NELL2: variants seen among roughly 807,000 people sequenced by gnomAD.
The protein encoded by NELL2 is neural EGFL like 2.
In NELL2, 41 loss-of-function variants were observed where a neutral mutation model predicts 109.6. The ratio of observed to expected loss-of-function variants is 0.37; its 90% CI spans 0.29 to 0.49. NELL2 has a LOEUF of 0.49. Ranked by LOEUF, NELL2 falls within the 20% of genes least tolerant of loss-of-function variation. NELL2 has a pLI of 0.98. For synonymous variants in NELL2, 355 were observed against 344.7 expected (o/e 1.03, Z -0.33); for missense variants, 900 against 1,008.3 (o/e 0.89, Z 1.45).
chr12:44,908,599 C>T (rs969535502), intron 1 of NELL2, among the ~76,000 whole-genome samples: 2 of 151,838 alleles, frequency 1.3e-5, no homozygotes, highest in African/African-American at 4.8e-5. Flanking sequence ...AGATCACCCA[C>T]ATGGACATTA....
chr12:44,579,096 C>T (rs935496220), intron 15 of NELL2, among the ~76,000 whole-genome samples: 2 of 152,104 alleles, frequency 1.3e-5, no homozygotes, highest in African/African-American at 4.8e-5. Context: ...TTTTAAGCCA[C>T]CTTTTGATAG....
intron 13 of NELL2, among the ~76,000 whole-genome samples, chr12:44,619,644 G>A (rs945770198): frequency 6.6e-6 from 1 of 152,050 alleles, no homozygotes; most frequent in African/African-American, 2.4e-5. Context: ...GGAAGAGGAG[G>A]AGAAGGAGGA....
rs1333622262 is a variant in NELL2 at position 44,824,714 on chromosome 12, T to C, written c.185-8578A>G. Among the ~76,000 whole-genome samples, 666 of 133,348 alleles carry C rather than the reference T, an allele frequency of 5.0e-3. 5 individuals carry two copies. Among genetic ancestry groups the C allele is most frequent in the African/African-American group, 0.018 (626 of 34,662 alleles). The allele number at this position is 133,348 out of a possible 152,430, so 87.5% of individuals were successfully genotyped here. ...ATTTATTTATTTTTATTTTATTTACTTTTTTTTTTTTTTTGAGACAGAGTC... is the reference window on the plus strand; with the variant it reads ...ATTTATTTATTTTTATTTTATTTACCTTTTTTTTTTTTTTGAGACAGAGTC... On this transcript the variant is annotated intron_variant, in intron 2 of 19. Coordinates refer to ENST00000429094, the MANE Select transcript of NELL2 (RefSeq NM_001145108.2).
rs140308092 is a variant in NELL2 at position 44,782,792 on chromosome 12, T to C, written c.336-2770A>G. Among the ~76,000 whole-genome samples the C allele has an allele frequency of 1.3e-3, 203 of 152,080 alleles. 1 individual carries two copies. Among genetic ancestry groups the C allele is most frequent in the African/African-American group, 4.5e-3 (186 of 41,522 alleles). On this transcript the variant is annotated intron_variant, in intron 3 of 19. Transcript: ENST00000429094. ...AAAGAATACATGGTAAAATCCACAA[T>C]TACAGTTGCAGACGTCAACACCCCT...
chr12:44,732,335 C>T (rs1939413510), intron 9 of NELL2, among the ~76,000 whole-genome samples: 1 of 151,922 alleles, frequency 6.6e-6, no homozygotes, highest in South Asian at 2.1e-4. Flanking sequence ...AGCTACAGTA[C>T]ATAAAACCGT....
At chr12:44,512,260 G>C (rs1043556803) in intron 19 of NELL2, among the ~76,000 whole-genome samples, 1 of 151,996 alleles carries the variant, frequency 6.6e-6, no homozygotes, top group Non-Finnish European at 1.5e-5. Context: ...GGGAAACGCA[G>C]GTCAAAACCA....
At chr12:44,614,153 G>C (rs1179553591) in intron 13 of NELL2, among the ~76,000 whole-genome samples, 1 of 151,944 alleles carries the variant, frequency 6.6e-6, no homozygotes, top group Non-Finnish European at 1.5e-5. Flanking sequence ...CATATCCTCA[G>C]TAAAAATTTC....
chr12:44,652,618 C>T, intron 13 of NELL2, among the ~76,000 whole-genome samples: 1 of 152,152 alleles, frequency 6.6e-6, no homozygotes, highest in South Asian at 2.1e-4. Flanking sequence ...AAAATGGGAA[C>T]TAAAAATCAT....
At chr12:44,588,061 G>T (rs1378594800) in intron 15 of NELL2, among the ~76,000 whole-genome samples, 1 of 151,934 alleles carries the variant, frequency 6.6e-6, no homozygotes, top group East Asian at 1.9e-4. Flanking sequence ...TGAGGCGGGA[G>T]AATGGTGTGA....
At chr12:44,875,085 T>C in intron 2 of NELL2, 140 bp downstream of exon 2, 1 of 1,122,542 alleles carries the variant, frequency 8.9e-7, no homozygotes, top group Non-Finnish European at 1.2e-6. Context: ...GGGATATGTG[T>C]CTCACACTGG....
At chr12:44,627,928 C>CCACA (rs1946323329) in intron 13 of NELL2, among the ~76,000 whole-genome samples, 1 of 152,130 alleles carries the variant, frequency 6.6e-6, no homozygotes, top group Admixed American at 6.6e-5. Context: ...TTCCTGGAAA[C>CCACA]CACACCAGAA....
intron 12 of NELL2, among the ~76,000 whole-genome samples, chr12:44,698,522 G>C (rs959049823): frequency 2.0e-5 from 3 of 152,116 alleles, no homozygotes; most frequent in African/African-American, 7.2e-5. Context: ...AGTAGGAAGA[G>C]ACAAAGGAGG....
At chr12:44,703,976 T>C (rs949990738) in intron 11 of NELL2, 122 bp from the exon 12 acceptor site, 2 of 756,672 alleles carry the variant, frequency 2.6e-6, no homozygotes, top group African/African-American at 3.6e-5. Context: ...AATTAGTATC[T>C]TCATCAACAT....
At chr12:44,779,413 G>A (rs765640945) in intron 5 of NELL2, among the ~76,000 whole-genome samples, 2 of 152,098 alleles carry the variant, frequency 1.3e-5, no homozygotes, top group African/African-American at 2.4e-5. Flanking sequence ...TTCAAAGAAT[G>A]ACCTGTTAAC....
rs78667437 is a variant in NELL2 at position 44,578,189 on chromosome 12, A to T, written c.1663+28980T>A. On this transcript the variant is annotated intron_variant, in intron 15 of 19. Transcript: ENST00000429094. ...CCTCTACTTCTGTGTTTTAACAATT[A>T]TTTTTTTTTTTACTAACTTTCTTCA... Among the ~76,000 whole-genome samples, 375 of 47,950 alleles carry T rather than the reference A, an allele frequency of 7.8e-3. 2 individuals carry two copies. Among genetic ancestry groups the T allele is most frequent in the Admixed American group, 0.022 (83 of 3,746 alleles). 31.5% of individuals were successfully genotyped at this position (47,950 alleles called of 152,430 possible). A position where few individuals can be genotyped will look rare whatever the true frequency, so the allele number is the denominator to read the frequency against.
At chr12:44,692,916 C>G (rs1344012352) in intron 12 of NELL2, among the ~76,000 whole-genome samples, 1 of 152,186 alleles carries the variant, frequency 6.6e-6, no homozygotes, top group South Asian at 2.1e-4. Flanking sequence ...GGTAAAGATG[C>G]TATGAGCATT....
At chr12:44,620,877 C>T (rs1350057307) in intron 13 of NELL2, among the ~76,000 whole-genome samples, 1 of 152,138 alleles carries the variant, frequency 6.6e-6, no homozygotes, top group African/African-American at 2.4e-5. Flanking sequence ...CACTTTCAGA[C>T]CATTATCAGA....
At chr12:44,906,192 G>A (rs535580935) in intron 1 of NELL2, among the ~76,000 whole-genome samples, 8 of 152,088 alleles carry the variant, frequency 5.3e-5, no homozygotes, top group East Asian at 3.9e-4. Flanking sequence ...ATGTCTTGAG[G>A]TGGGAATGTT....
chr12:44,775,550 T>C (rs1941724797), intron 8 of NELL2, among the ~76,000 whole-genome samples: 1 of 152,218 alleles, frequency 6.6e-6, no homozygotes, highest in Admixed American at 6.5e-5. Flanking sequence ...TATTTAAACT[T>C]TATAATTTGT....
Sources: allele counts gnomAD v4.1 joint callset (sites outside exome capture counted in the v4.1 genomes callset), GRCh38; gene constraint gnomAD v4.1.1; transcripts MANE v1.5; gene names NCBI Gene and HGNC (gene_info 2026-07-23, HGNC 2026-07-21).